TEX36: variants seen among roughly 807,000 people sequenced by gnomAD.
TEX36 encodes testis-expressed protein 36.
TEX36 carries 12 observed loss-of-function variants against 13.6 expected under a neutral mutation model. The ratio of observed to expected loss-of-function variants is 0.88; its 90% CI spans 0.56 to 1.43. TEX36 has a LOEUF of 1.43. Ranked by LOEUF, TEX36 falls within the 40% of genes most tolerant of loss-of-function variation. The probability of loss-of-function intolerance (pLI) is 0.00; values close to 1 mark genes in which losing one functional copy is unlikely to be tolerated. For synonymous variants in TEX36, 93 were observed against 83.0 expected (o/e 1.12, Z -0.65); for missense variants, 224 against 228.3 (o/e 0.98, Z 0.12).
At chr10:125,677,569 A>G (rs771713850) in intron 1 of TEX36, among the ~76,000 whole-genome samples, 6 of 151,962 alleles carry the variant, frequency 3.9e-5, no homozygotes, top group Non-Finnish European at 8.8e-5. Context: ...TCTTTTCTAA[A>G]TATCTTTCTC....
At chr10:125,659,378 C>T (rs75526631) in intron 3 of TEX36, among the ~76,000 whole-genome samples, 4,006 of 152,262 alleles carry the variant, frequency 0.026, 188 homozygotes, top group African/African-American at 0.091. Context: ...ATTGGAAAAA[C>T]TCTCAAATTT....
intron 3 of TEX36, among the ~76,000 whole-genome samples, chr10:125,581,026 G>A (rs1845875413): frequency 6.6e-6 from 1 of 152,142 alleles, no homozygotes; most frequent in Admixed American, 6.5e-5. Flanking sequence ...AAGGACATTT[G>A]TGCTCAGAGT....
At chr10:125,591,483 G>A (rs1846020398) in intron 3 of TEX36, among the ~76,000 whole-genome samples, 1 of 152,062 alleles carries the variant, frequency 6.6e-6, no homozygotes, top group South Asian at 2.1e-4. Context: ...GAAGCCAACA[G>A]CTGGCAGGAT....
chr10:125,655,301 C>T (rs1466846512), downstream of TEX36, among the ~76,000 whole-genome samples: 3 of 152,006 alleles, frequency 2.0e-5, no homozygotes, highest in Non-Finnish European at 4.4e-5. Flanking sequence ...AAAAATTAGC[C>T]CAGCGTGATG....
chr10:125,665,309 A>T (rs902042513), intron 1 of TEX36, among the ~76,000 whole-genome samples: 2 of 152,032 alleles, frequency 1.3e-5, no homozygotes, highest in Admixed American at 1.3e-4. Context: ...TTAGTCATAA[A>T]TTTTTTGTCT....
chr10:125,640,468 CA>C lies in TEX36; in HGVS notation c.265-18824del, dbSNP rs753296480. Reference sequence around the variant, plus strand: ...ATTTATTCAGTGAGTCAGGCTCTGACAGGGGGTTGATTTGTTGTTTAATATT... The same window carrying C: ...ATTTATTCAGTGAGTCAGGCTCTGACGGGGGTTGATTTGTTGTTTAATATT... On this transcript the variant is annotated intron_variant, in intron 3 of 3. Coordinates refer to the TEX36 transcript ENST00000526819. Among the ~76,000 whole-genome samples, 5 of 152,246 alleles carry C rather than the reference CA, an allele frequency of 3.3e-5. No individual in the cohort carries two copies. The East Asian group carries it at 7.7e-4, about 23-fold the overall frequency.
intron 3 of TEX36, among the ~76,000 whole-genome samples, chr10:125,645,829 T>A (rs1846760662): frequency 6.6e-6 from 1 of 152,160 alleles, no homozygotes; most frequent in Non-Finnish European, 1.5e-5. Context: ...AAAGGGAGAT[T>A]GTATATTCTT....
intron 3 of TEX36, among the ~76,000 whole-genome samples, chr10:125,615,780 G>T (rs1191565051): frequency 6.6e-6 from 1 of 152,062 alleles, no homozygotes; most frequent in Non-Finnish European, 1.5e-5. Flanking sequence ...TTTGGTATCA[G>T]GATGATGCTG....
chr10:125,619,901 A>G (rs996339708), downstream of TEX36, among the ~76,000 whole-genome samples: 1 of 151,784 alleles, frequency 6.6e-6, no homozygotes, highest in African/African-American at 2.4e-5. Context: ...GTGTGCATAT[A>G]TATATATACA....
intron 1 of TEX36, among the ~76,000 whole-genome samples, chr10:125,679,584 G>A (rs1847364123): frequency 6.6e-6 from 1 of 152,234 alleles, no homozygotes; most frequent in East Asian, 1.9e-4. Context: ...GTGGGCTGCC[G>A]GAAGTCTCTC....
intron 3 of TEX36, among the ~76,000 whole-genome samples, chr10:125,608,289 G>A (rs1846240662): frequency 6.8e-6 from 1 of 147,320 alleles, no homozygotes; most frequent in Non-Finnish European, 1.5e-5. Context: ...TGATGGTGAT[G>A]ATGGTTTCAT....
At chr10:125,612,377 C>A (rs139609566) in intron 3 of TEX36, among the ~76,000 whole-genome samples, 73 of 152,232 alleles carry the variant, frequency 4.8e-4, no homozygotes, top group African/African-American at 1.7e-3. Context: ...AGCCATCGAA[C>A]CCCAGCACCC....
intron 3 of TEX36, among the ~76,000 whole-genome samples, chr10:125,603,336 A>G (rs138828906): frequency 0.013 from 1,930 of 152,226 alleles, 12 homozygotes; most frequent in Middle Eastern, 0.027. Flanking sequence ...GCGGGGGTCC[A>G]GGGGTGGGGT....
In TEX36 at chr10:125,667,175, G is replaced by A. The variant is rs150204580; in HGVS notation, c.52-5198C>T. 1.0e-3 allele frequency: 673 copies of A among 658,646 alleles called. 2 individuals carry two copies. The highest frequency in any genetic ancestry group is 1.1e-3 in the East Asian group (33 of 30,598). 40.8% of individuals were successfully genotyped at this position (658,646 alleles called of 1,614,324 possible). On this transcript the variant is annotated intron_variant, in intron 1 of 3. Transcript: ENST00000368821. Reference sequence around the variant, plus strand: ...CCAGGGACAGCGGGGGGCACTGTGCGGTGCAGCGTTGTGACAGTCACCATG... The same window carrying A: ...CCAGGGACAGCGGGGGGCACTGTGCAGTGCAGCGTTGTGACAGTCACCATG...
downstream of TEX36, among the ~76,000 whole-genome samples, chr10:125,619,413 C>A (rs1170763173): frequency 3.3e-5 from 5 of 152,106 alleles, no homozygotes; most frequent in Admixed American, 2.6e-4. Context: ...CCCAACACCA[C>A]CACCCACATT....
At chr10:125,622,891 C>T (rs908850943) in intron 3 of TEX36, among the ~76,000 whole-genome samples, 1 of 152,204 alleles carries the variant, frequency 6.6e-6, no homozygotes, top group African/African-American at 2.4e-5. Flanking sequence ...ACTTCCAGTT[C>T]AATGGAATCA....
chr10:125,678,500 G>A (rs1416548021), intron 1 of TEX36, among the ~76,000 whole-genome samples: 1 of 152,122 alleles, frequency 6.6e-6, no homozygotes, highest in Non-Finnish European at 1.5e-5. Flanking sequence ...CAATTCTTGG[G>A]CCTCCCGGTG....
At chr10:125,641,199 G>T (rs981194095) in intron 3 of TEX36, among the ~76,000 whole-genome samples, 3 of 152,098 alleles carry the variant, frequency 2.0e-5, no homozygotes, top group East Asian at 1.9e-4. Context: ...TCTGATTCCC[G>T]TGCCTGGCCA....
chr10:125,632,353 G>A (rs969089738), intron 3 of TEX36, among the ~76,000 whole-genome samples: 20 of 152,178 alleles, frequency 1.3e-4, no homozygotes, highest in African/African-American at 4.8e-4. Context: ...TGGCTTGTCT[G>A]TGTGTCTTCT....
Sources: allele counts gnomAD v4.1 joint callset (sites outside exome capture counted in the v4.1 genomes callset), GRCh38; gene constraint gnomAD v4.1.1; transcripts MANE v1.5; gene names NCBI Gene and HGNC (gene_info 2026-07-23, HGNC 2026-07-21).